Variants in TMEM117 observed in about 807,000 individuals in gnomAD.
TMEM117 encodes transmembrane protein 117.
TMEM117 carries 27 observed loss-of-function variants against 52.4 expected under a neutral mutation model. The ratio of observed to expected loss-of-function variants is 0.51; its 90% CI spans 0.38 to 0.71. TMEM117 has a LOEUF of 0.71. Among genes scored for constraint, TMEM117 ranks in the 30% least tolerant of loss-of-function variants. The probability of loss-of-function intolerance (pLI) is 0.00; values close to 1 mark genes in which losing one functional copy is unlikely to be tolerated. For missense variants in TMEM117, 556 were observed against 630.5 expected (o/e 0.88, Z 1.26); for synonymous variants, 215 against 206.3 (o/e 1.04, Z -0.36).
intron 5 of TMEM117, among the ~76,000 whole-genome samples, chr12:44,226,270 G>T (rs542278683): frequency 1.8e-4 from 27 of 152,222 alleles, no homozygotes; most frequent in Non-Finnish European, 3.1e-4. Flanking sequence ...CATGTAAGTG[G>T]TTATTGACTG....
intron 2 of TMEM117, among the ~76,000 whole-genome samples, chr12:43,914,485 CTG>C (rs1944568196): frequency 6.6e-6 from 1 of 152,168 alleles, no homozygotes. Flanking sequence ...GTGCCAAACA[CTG>C]TGCCGGGAAT....
At chr12:44,036,854 T>C (rs1169884838) in intron 3 of TMEM117, among the ~76,000 whole-genome samples, 1 of 152,264 alleles carries the variant, frequency 6.6e-6, no homozygotes, top group Non-Finnish European at 1.5e-5. Flanking sequence ...TCTGTTCTTA[T>C]TATGTAACAG....
chr12:44,226,558 T>C (rs1949864118), intron 5 of TMEM117, among the ~76,000 whole-genome samples: 2 of 151,430 alleles, frequency 1.3e-5, no homozygotes, highest in South Asian at 4.2e-4. Context: ...ATGGGCTGAA[T>C]TTATATCCCC....
chr12:43,799,585 TAACAG>T, the TMEM117 span: 1 of 650,186 alleles, frequency 1.5e-6, no homozygotes. Flanking sequence ...ACAAAATCAT[TAACAG>T]AAAAGATTTT....
At chr12:44,086,533 C>T (rs1947569947) in intron 3 of TMEM117, among the ~76,000 whole-genome samples, 1 of 151,998 alleles carries the variant, frequency 6.6e-6, no homozygotes, top group Non-Finnish European at 1.5e-5. Flanking sequence ...TGATTCCTGC[C>T]TCCATTGTAC....
chr12:43,831,232 T>C (rs1362897601), upstream of TMEM117, among the ~76,000 whole-genome samples: 1 of 152,210 alleles, frequency 6.6e-6, no homozygotes. Flanking sequence ...GTAATTAGCA[T>C]CATCCCGACT....
At chr12:44,274,638 G>A (rs1003090145) in intron 5 of TMEM117, among the ~76,000 whole-genome samples, 7 of 151,986 alleles carry the variant, frequency 4.6e-5, no homozygotes, top group African/African-American at 1.7e-4. Context: ...AGAGAACCCA[G>A]AAACAAATTC....
At chr12:43,890,435 A>T (rs1177222426) in intron 2 of TMEM117, among the ~76,000 whole-genome samples, 2 of 151,970 alleles carry the variant, frequency 1.3e-5, no homozygotes, top group Non-Finnish European at 2.9e-5. Flanking sequence ...GTCATTCTAG[A>T]TGGGTTTTGA....
At chr12:44,367,195 C>T (rs1326368502) in intron 6 of TMEM117, among the ~76,000 whole-genome samples, 1 of 152,146 alleles carries the variant, frequency 6.6e-6, no homozygotes, top group Non-Finnish European at 1.5e-5. Flanking sequence ...CAGCAAAGCT[C>T]CTCATTAGAG....
At chr12:44,194,526 G>C (rs577099055) in intron 4 of TMEM117, among the ~76,000 whole-genome samples, 4 of 152,262 alleles carry the variant, frequency 2.6e-5, no homozygotes, top group African/African-American at 9.6e-5. Flanking sequence ...TCAGGGCTGG[G>C]TGTGGTATAA....
At chr12:44,161,020 T>C (rs1488099740) in intron 4 of TMEM117, among the ~76,000 whole-genome samples, 2 of 152,170 alleles carry the variant, frequency 1.3e-5, no homozygotes, top group East Asian at 3.8e-4. Flanking sequence ...TAGAGGCATT[T>C]TGAGTCAAGG....
chr12:44,056,307 A>T (rs1264229862), intron 3 of TMEM117, among the ~76,000 whole-genome samples: 1 of 152,098 alleles, frequency 6.6e-6, no homozygotes, highest in Non-Finnish European at 1.5e-5. Context: ...TGTGCCACTG[A>T]TGTTCTTCCC....
chr12:43,952,135 G>A (rs1308144844), intron 3 of TMEM117, among the ~76,000 whole-genome samples: 3 of 152,194 alleles, frequency 2.0e-5, no homozygotes, highest in South Asian at 2.1e-4. Context: ...CCATCCAAAG[G>A]TCATCAGCCT....
intron 3 of TMEM117, among the ~76,000 whole-genome samples, chr12:44,124,817 AG>A (rs771108937): frequency 3.9e-5 from 6 of 152,074 alleles, no homozygotes; most frequent in Non-Finnish European, 8.8e-5. Flanking sequence ...TATTTTGTTG[AG>A]GATTTTTGCA....
intron 4 of TMEM117, among the ~76,000 whole-genome samples, chr12:44,180,512 C>T (rs1195939218): frequency 2.7e-5 from 3 of 112,590 alleles, no homozygotes; most frequent in Non-Finnish European, 5.2e-5. Flanking sequence ...CCTCCCCCCA[C>T]CCCACAACAG....
chr12:44,195,274 G>T (rs555090840), intron 4 of TMEM117, among the ~76,000 whole-genome samples: 1 of 152,164 alleles, frequency 6.6e-6, no homozygotes, highest in Non-Finnish European at 1.5e-5. Flanking sequence ...TTCTGGAAAT[G>T]GCCCTGGCCA....
At chr12:43,803,269 A>G in the TMEM117 span, among the ~76,000 whole-genome samples, 1 of 152,192 alleles carries the variant, frequency 6.6e-6, no homozygotes, top group Non-Finnish European at 1.5e-5. Flanking sequence ...AAAGAGCACT[A>G]TATGCTATTT....
chr12:43,990,625 G>T lies in TMEM117; in HGVS notation c.410+46283G>T, dbSNP rs528276577. ...TCTTTAACATTAATTAGGATTTAGT[G>T]TGCTGGATCTTTCATCCAAAGATCT... On this transcript the variant is annotated intron_variant, in intron 3 of 7. Transcript: ENST00000266534. 7.9e-5 allele frequency among the ~76,000 whole-genome samples: 12 copies of T among 152,162 alleles called. No homozygotes were observed. In the South Asian group the frequency reaches 1.5e-3, roughly 18 times the overall value.
chr12:44,290,979 T>A lies in TMEM117; in HGVS notation c.609-8601T>A, dbSNP rs139600018. 7.4e-4 allele frequency among the ~76,000 whole-genome samples: 112 copies of A among 152,308 alleles called. 1 individual carries two copies. The East Asian group carries it at 0.017, about 24-fold the overall frequency. ...AAGATTCGTTTGGCTATTCAACATC[T>A]TCTATAGTTTTATATTAATTTTAGA... On this transcript the variant is annotated intron_variant, in intron 5 of 7. Coordinates refer to ENST00000266534, the MANE Select transcript of TMEM117 (RefSeq NM_032256.3).
Sources: allele counts gnomAD v4.1 joint callset (sites outside exome capture counted in the v4.1 genomes callset), GRCh38; gene constraint gnomAD v4.1.1; transcripts MANE v1.5; gene names NCBI Gene and HGNC (gene_info 2026-07-23, HGNC 2026-07-21).